The following LIN28B variants were observed in gnomAD, a reference collection of about 807,000 sequenced individuals.
LIN28B encodes protein lin-28 homolog B.
LIN28B carries 5 observed loss-of-function variants against 21.9 expected under a neutral mutation model. The ratio of observed to expected loss-of-function variants is 0.23; its 90% CI spans 0.12 to 0.48. The LOEUF (loss-of-function observed/expected upper bound fraction) is 0.48. Ranked by LOEUF, LIN28B falls within the 20% of genes least tolerant of loss-of-function variation. The pLI, the probability that LIN28B is intolerant of heterozygous loss-of-function variation, is 0.98. For missense variants in LIN28B, 245 were observed against 310.5 expected, an observed-to-expected ratio of 0.79 and a Z score of 1.58; for synonymous variants, 109 against 111.3, an observed-to-expected ratio of 0.98 and a Z score of 0.13.
chr6:104,965,282 C>T (rs1219790503), intron 2 of LIN28B, among the ~76,000 whole-genome samples: 1 of 152,166 alleles, frequency 6.6e-6, no homozygotes, highest in Admixed American at 6.5e-5. Flanking sequence ...GTAATCCCAG[C>T]ACTTTGGGAG....
chr6:105,002,586 G>A (rs755154589), intron 2 of LIN28B, among the ~76,000 whole-genome samples: 1 of 152,172 alleles, frequency 6.6e-6, no homozygotes, highest in East Asian at 1.9e-4. Context: ...CACATGACTA[G>A]TTAGTAGCTA....
At chr6:105,016,058 T>C (rs140740222) in intron 2 of LIN28B, among the ~76,000 whole-genome samples, 1 of 152,276 alleles carries the variant, frequency 6.6e-6, no homozygotes, top group African/African-American at 2.4e-5. Context: ...GCAACATTAA[T>C]ACCATAGAAG....
Position 105,083,103 on chromosome 6 carries a change from TAAA to T in LIN28B, c.*4323_*4325del, listed in dbSNP as rs1186901030. On this transcript the variant is annotated 3_prime_UTR_variant, in exon 4 of 4. Coordinates refer to ENST00000345080, the MANE Select transcript of LIN28B (RefSeq NM_001004317.4). ...GACTCATGTTGTTTACAAGTGAAAA[TAAA>T]AACACTTGAACTGTATGTTTTTAAA... The T allele has an allele frequency of 6.6e-6, 1 of 151,318 alleles. No homozygotes were observed. Among genetic ancestry groups the T allele is most frequent in the Non-Finnish European group, 1.5e-5 (1 of 67,594 alleles). The allele number at this position is 151,318 out of a possible 1,614,324, so 9.4% of individuals were successfully genotyped here.
At position 104,958,175 on chromosome 6, in the gene LIN28B, C is replaced by A; in HGVS notation, c.87C>A (p.Arg29=). Residue 29 remains arginine (R), a synonymous_variant, in exon 2 of 4, where the codon CGC becomes CGA. Transcript: ENST00000345080. The part of the protein sequence containing the change: ...EPAEEESQVL[R]GTGHCKWFNV... ...CAGAGGAGGAATCCCAGGTTTTGCG[C>A]GGAACTGGCCACTGTAAGTGGTTCA... 6.2e-7 allele frequency: 1 copy of A among 1,607,268 alleles called. No homozygotes were observed. Among genetic ancestry groups the A allele is most frequent in the Non-Finnish European group, 8.5e-7 (1 of 1,174,842 alleles).
At chr6:105,005,615 C>T (rs922369145) in intron 2 of LIN28B, among the ~76,000 whole-genome samples, 5 of 152,162 alleles carry the variant, frequency 3.3e-5, no homozygotes, top group African/African-American at 1.2e-4. Flanking sequence ...CTCTCTCTCT[C>T]TCTCTCTGCT....
chr6:104,974,950 G>T (rs1476141633), intron 2 of LIN28B, among the ~76,000 whole-genome samples: 1 of 151,984 alleles, frequency 6.6e-6, no homozygotes, highest in African/African-American at 2.4e-5. Flanking sequence ...CTCCCAAGTA[G>T]CTGGGATTAC....
intron 2 of LIN28B, among the ~76,000 whole-genome samples, chr6:104,999,711 G>C (rs1050408890): frequency 6.6e-6 from 1 of 151,866 alleles, no homozygotes; most frequent in Non-Finnish European, 1.5e-5. Context: ...GACGGAGTTC[G>C]TTCTTGTCGC....
At chr6:105,003,947 G>A (rs903745447) in intron 2 of LIN28B, among the ~76,000 whole-genome samples, 1 of 152,160 alleles carries the variant, frequency 6.6e-6, no homozygotes. Context: ...GATATATAAA[G>A]GGGAGTTTAT....
In LIN28B at chr6:105,040,607, CA is replaced by C. The variant is rs371444649; in HGVS notation, c.383+14133del. Among the ~76,000 whole-genome samples the C allele has an allele frequency of 1.3e-3, 192 of 151,280 alleles. 5 individuals carry two copies. In the East Asian group the frequency reaches 0.033, roughly 26 times the overall value. ...ATTTACATATAATGGGGTAGGTGTT[CA>C]AAAAAAATTCTTACTAATAAGTGTG... is the stretch of plus-strand genomic sequence containing the variant. On this transcript the variant is annotated intron_variant, in intron 3 of 3. Coordinates refer to ENST00000345080, the MANE Select transcript of LIN28B (RefSeq NM_001004317.4).
chr6:104,996,572 T>C (rs566941011), intron 2 of LIN28B, among the ~76,000 whole-genome samples: 31 of 152,290 alleles, frequency 2.0e-4, no homozygotes, highest in African/African-American at 7.2e-4. Flanking sequence ...TGTTAGGAAG[T>C]GCTCTAGTAA....
chr6:104,987,735 C>T (rs1428826109), intron 2 of LIN28B, among the ~76,000 whole-genome samples: 1 of 151,948 alleles, frequency 6.6e-6, no homozygotes, highest in African/African-American at 2.4e-5. Context: ...TTCTTGTTTT[C>T]CCATCTCAAT....
At chr6:105,040,306 C>A (rs1477334588) in intron 3 of LIN28B, among the ~76,000 whole-genome samples, 1 of 151,898 alleles carries the variant, frequency 6.6e-6, no homozygotes, top group East Asian at 1.9e-4. Flanking sequence ...GTGTACTTTC[C>A]TCTTTAAGTT....
intron 3 of LIN28B, among the ~76,000 whole-genome samples, chr6:105,073,520 C>T (rs1342835355): frequency 2.0e-5 from 3 of 152,152 alleles, no homozygotes; most frequent in Non-Finnish European, 2.9e-5. Context: ...TACTGCTTTA[C>T]GTACTATCTT....
chr6:104,990,974 A>G (rs1401592321), intron 2 of LIN28B, among the ~76,000 whole-genome samples: 1 of 152,226 alleles, frequency 6.6e-6, no homozygotes, highest in Non-Finnish European at 1.5e-5. Flanking sequence ...CTACACAGAC[A>G]CAGCAACAAT....
intron 3 of LIN28B, among the ~76,000 whole-genome samples, chr6:105,073,681 T>A (rs1042976704): frequency 6.6e-6 from 1 of 152,154 alleles, no homozygotes; most frequent in Admixed American, 6.5e-5. Flanking sequence ...CTAAGATACA[T>A]TTTTTTCCAT....
At chr6:104,950,906 T>C (rs1008511757) in intron 3 of LIN28B, among the ~76,000 whole-genome samples, 3 of 152,218 alleles carry the variant, frequency 2.0e-5, no homozygotes, top group Non-Finnish European at 4.4e-5. Flanking sequence ...TCTGCTGAAC[T>C]AAATTAAAAA....
intron 3 of LIN28B, among the ~76,000 whole-genome samples, chr6:105,067,748 ATTG>A (rs1350404684): frequency 6.6e-6 from 1 of 152,194 alleles, no homozygotes; most frequent in Non-Finnish European, 1.5e-5. Flanking sequence ...TCAAATGAAT[ATTG>A]TTCCATTGAT....
At chr6:104,952,140 C>T (rs1778227614), upstream of LIN28B, among the ~76,000 whole-genome samples, 1 of 152,060 alleles carries the variant, frequency 6.6e-6, no homozygotes, top group South Asian at 2.1e-4. Flanking sequence ...TGAAATAGAG[C>T]TTTAAAGAAT....
chr6:104,946,476 C>T (rs1778157513), intron 2 of LIN28B, among the ~76,000 whole-genome samples: 1 of 152,010 alleles, frequency 6.6e-6, no homozygotes, highest in Non-Finnish European at 1.5e-5. Flanking sequence ...ATTAAATGTT[C>T]GTTTAAAGGA....
Sources: gnomAD v4.1 joint callset for allele counts (sites outside exome capture counted in the v4.1 genomes callset) on GRCh38, gnomAD v4.1.1 for gene constraint, MANE v1.5 for transcripts, NCBI Gene and HGNC (gene_info 2026-07-23, HGNC 2026-07-21) for gene names.